The following PLG variants were observed in gnomAD, a reference collection of about 807,000 sequenced individuals.
The protein encoded by PLG is plasminogen, also known as plasmin.
In PLG, 41 loss-of-function variants were observed where a neutral mutation model predicts 104.4. The observed-to-expected ratio is 0.39, with a 90% CI of 0.31 to 0.51. The LOEUF is 0.51. PLG is among the 20% of genes least tolerant of loss of function. The probability of loss-of-function intolerance (pLI) is 0.76; values close to 1 mark genes in which losing one functional copy is unlikely to be tolerated. For missense variants in PLG, 891 were observed against 1,003.6 expected, an observed-to-expected ratio of 0.89 and a Z score of 1.52; for synonymous variants, 337 against 357.1, an observed-to-expected ratio of 0.94 and a Z score of 0.63.
chr6:160,747,447 A>C (rs758037216), intron 17 of PLG, among the ~76,000 whole-genome samples: 10 of 152,164 alleles, frequency 6.6e-5, no homozygotes, highest in Non-Finnish European at 1.3e-4. Flanking sequence ...CTAGGAGGGC[A>C]TTAGGAGTCT....
chr6:160,747,750 C>T (rs1459081625), intron 17 of PLG, among the ~76,000 whole-genome samples: 1 of 152,154 alleles, frequency 6.6e-6, no homozygotes, highest in Non-Finnish European at 1.5e-5. Flanking sequence ...TCTTGATCTC[C>T]CTTTCTGCAC....
At position 160,752,715 on chromosome 6, in the gene PLG, G is replaced by T. The variant is rs533082306; in HGVS notation, c.2272-185G>T. 1.3e-5 allele frequency among the ~76,000 whole-genome samples: 2 copies of T among 152,348 alleles called. No individual in the cohort carries two copies. Among genetic ancestry groups the T allele is most frequent in the East Asian group, 3.9e-4 (2 of 5,192 alleles). ...CTACCCCCCGGAAAAACTAAGTGGTGTGGTTTCGCTAAACAGATTTTGCTA... is the reference window on the plus strand; with the variant it reads ...CTACCCCCCGGAAAAACTAAGTGGTTTGGTTTCGCTAAACAGATTTTGCTA... On this transcript the variant is annotated intron_variant, in intron 18 of 18. Coordinates refer to ENST00000308192, the MANE Select transcript of PLG (RefSeq NM_000301.5). This position sits in a 1 kb window ranked among gnomAD's most constrained non-coding sequence, Gnocchi z 4.7.
chr6:160,716,840 G>T (rs1777740661), intron 7 of PLG, 77 bp downstream of exon 7: 1 of 878,338 alleles, frequency 1.1e-6, no homozygotes, highest in Non-Finnish European at 2.0e-6. Context: ...ATGTGTCAGT[G>T]CCTGAGTGCA....
intron 9 of PLG, 102 bp downstream of exon 9, chr6:160,718,940 C>T: frequency 9.5e-7 from 1 of 1,047,730 alleles, no homozygotes; most frequent in Admixed American, 1.8e-5. Flanking sequence ...AAGTTTAATG[C>T]TATTGTGGTC....
At chr6:160,707,227 A>AT (rs1419417026) in intron 2 of PLG, among the ~76,000 whole-genome samples, 1 of 152,016 alleles carries the variant, frequency 6.6e-6, no homozygotes, top group East Asian at 1.9e-4. Flanking sequence ...GAAGGTAGCT[A>AT]TGGAATCCAG....
At chr6:160,714,954 G>A (rs370815237) in intron 6 of PLG, 40 bp downstream of exon 6, 3 of 1,589,444 alleles carry the variant, frequency 1.9e-6, no homozygotes, top group Non-Finnish European at 1.7e-6. Flanking sequence ...TTTAATTAAG[G>A]CTCTGCAGCT....
intron 17 of PLG, among the ~76,000 whole-genome samples, chr6:160,743,055 C>A (rs561729494): frequency 6.0e-4 from 87 of 144,792 alleles, no homozygotes; most frequent in Admixed American, 3.0e-3. Context: ...GTTTTTGTTA[C>A]TGTAGCCCTG....
chr6:160,736,949 G>A lies in PLG; in HGVS notation c.1744G>A (p.Val582Ile). 6.2e-7 allele frequency: 1 copy of A among 1,614,036 alleles called. No homozygotes were observed. Among genetic ancestry groups the A allele is most frequent in the South Asian group, 1.1e-5 (1 of 91,078 alleles). ...GCCGAAGAAATGTCCTGGAAGGGTT[G>A]TAGGGGGGTGTGTGGCCCACCCACA... Reference protein sequence around the residue: ...VEPKKCPGRVVGGCVAHPHSW... With the variant: ...VEPKKCPGRVIGGCVAHPHSW... Residue 582 changes from valine to isoleucine, a missense_variant, in exon 14 of 19, where the codon GTA becomes ATA. Physicochemically the swap from Val to Ile is conservative, Grantham distance 29 (BLOSUM62 3). This residue lies in a region of PLG where 854 missense variants were observed against 932.1 expected (regional missense o/e 0.92). Transcript: ENST00000308192. The surrounding 1 kb of genome is among the most constrained non-coding windows in gnomAD (Gnocchi z 5.2).
Position 160,728,999 on chromosome 6 carries a change from C to T in PLG, c.1257-2052C>T, listed in dbSNP as rs1023526774. 2.0e-5 allele frequency among the ~76,000 whole-genome samples: 3 copies of T among 152,260 alleles called. No individual in the cohort carries two copies. The South Asian group carries it at 6.2e-4, about 32-fold the overall frequency. On this transcript the variant is annotated intron_variant, in intron 10 of 18. Transcript: ENST00000308192. ...AGACTGGAATAAAAATTCTCTCCAT[C>T]CATATATCTGACAAATGGTTTGTAT...
At position 160,752,763 on chromosome 6, in the gene PLG, T is replaced by C. The variant is rs1000146315; in HGVS notation, c.2272-137T>C. The C allele has an allele frequency of 1.5e-5, 16 of 1,084,296 alleles. No homozygotes were observed. The African/African-American group carries it at 2.2e-4, about 15-fold the overall frequency. The allele number at this position is 1,084,296 out of a possible 1,614,324, so 67.2% of individuals were successfully genotyped here. A position where few individuals can be genotyped will look rare whatever the true frequency, so the allele number is the denominator to read the frequency against. ...CTAAGTACTTAAGCACTGCAGATGC[T>C]TGAGTAATATGCTCATAAGTTCCTT... On this transcript the variant is annotated intron_variant, in intron 18 of 18. Transcript: ENST00000308192. The surrounding 1 kb of genome is among the most constrained non-coding windows in gnomAD (Gnocchi z 4.7).
chr6:160,736,850 G>T lies in PLG; in HGVS notation c.1682-37G>T. 1 of 1,612,360 alleles carries T rather than the reference G, an allele frequency of 6.2e-7. No individual in the cohort carries two copies. The highest frequency in any genetic ancestry group is 8.5e-7 in the Non-Finnish European group (1 of 1,178,902). On this transcript the variant is annotated intron_variant, in intron 13 of 18. Transcript: ENST00000308192. This position sits in a 1 kb window ranked among gnomAD's most constrained non-coding sequence, Gnocchi z 5.2. ...AATTACACCACAAAATTGCTACCTT[G>T]TCTCAAATGGGATTTCTTTCCCACC... is the stretch of plus-strand genomic sequence containing the variant.
At position 160,734,899 on chromosome 6, in the gene PLG, G is replaced by C. The variant is rs947587502; in HGVS notation, c.1681+811G>C. Among the ~76,000 whole-genome samples, 2 of 152,094 alleles carry C rather than the reference G, an allele frequency of 1.3e-5. No individual in the cohort carries two copies. Among genetic ancestry groups the C allele is most frequent in the African/African-American group, 4.8e-5 (2 of 41,402 alleles). ...TGTGGTTGGGTCTGCCATGTGGAGG[G>C]ACCTTGAGCTGGGGGAAGGAGCTTG... is the stretch of plus-strand genomic sequence containing the variant. On this transcript the variant is annotated intron_variant, in intron 13 of 18. Coordinates refer to ENST00000308192, the MANE Select transcript of PLG (RefSeq NM_000301.5). This position sits in a 1 kb window ranked among gnomAD's most constrained non-coding sequence, Gnocchi z 4.4.
chr6:160,752,836 G>A lies in PLG; in HGVS notation c.2272-64G>A, dbSNP rs1778428383. 3 of 1,535,404 alleles carry A rather than the reference G, an allele frequency of 2.0e-6. No individual in the cohort carries two copies. Among genetic ancestry groups the A allele is most frequent in the East Asian group, 2.2e-5 (1 of 44,470 alleles). On this transcript the variant is annotated intron_variant, in intron 18 of 18. Coordinates refer to ENST00000308192, the MANE Select transcript of PLG (RefSeq NM_000301.5). This position sits in a 1 kb window ranked among gnomAD's most constrained non-coding sequence, Gnocchi z 4.7. ...ATGTATATATGGATAGTAGAAGGAT[G>A]GCATCCCATAATAAAAGGCAGGCAG...
rs113752311 is a variant in PLG, at chr6:160,713,273, A to ATTTT, written c.547+157_547+160dup. ...AAGCAAAACCCCAGAATTAACCTGA[A>ATTTT]TTTTTTTTTTTTCTGAGACAGAGTT... On this transcript the variant is annotated intron_variant, in intron 5 of 18. Coordinates refer to ENST00000308192, the MANE Select transcript of PLG (RefSeq NM_000301.5). The ATTTT allele has an allele frequency of 9.1e-3, 5,315 of 586,062 alleles. 216 individuals carry two copies. The African/African-American group carries it at 0.092, about 10-fold the overall frequency. The allele number at this position is 586,062 out of a possible 1,614,324, so 36.3% of individuals were successfully genotyped here.
At chr6:160,712,564 A>G (rs1777663742) in intron 4 of PLG, among the ~76,000 whole-genome samples, 1 of 152,220 alleles carries the variant, frequency 6.6e-6, no homozygotes, top group Non-Finnish European at 1.5e-5. Flanking sequence ...ATTAGGACTA[A>G]AAGAGAGAAT....
At chr6:160,715,285 A>C (rs1249570152) in intron 6 of PLG, among the ~76,000 whole-genome samples, 1 of 152,146 alleles carries the variant, frequency 6.6e-6, no homozygotes. Context: ...TTGCTGGTGT[A>C]TTTTCCAAAT....
At position 160,723,176 on chromosome 6, in the gene PLG, G is replaced by GTA. The variant is rs34935018; in HGVS notation, c.1256+621_1256+622dup. Among the ~76,000 whole-genome samples the GTA allele has an allele frequency of 0.047, 6,581 of 140,856 alleles. 381 individuals carry two copies. Among genetic ancestry groups the GTA allele is most frequent in the African/African-American group, 0.16 (5,215 of 33,088 alleles). 92.4% of individuals were successfully genotyped at this position (140,856 alleles called of 152,430 possible). On this transcript the variant is annotated intron_variant, in intron 10 of 18. Transcript: ENST00000308192. This position sits in a 1 kb window ranked among gnomAD's most constrained non-coding sequence, Gnocchi z 4.7. ...ATTAGAATATATATAACATAAATAT[G>GTA]TATATATATATATTCTGACCTGTAT... is the stretch of plus-strand genomic sequence containing the variant.
At position 160,739,130 on chromosome 6, in the gene PLG, C is replaced by T. The variant is rs187157735; in HGVS notation, c.1940C>T (p.Pro647Leu). 9.9e-6 allele frequency: 16 copies of T among 1,614,038 alleles called. No homozygotes were observed. Among genetic ancestry groups the T allele is most frequent in the East Asian group, 4.5e-5 (2 of 44,882 alleles). ...LGAHQEVNLE[P>L]HVQEIEVSRL... ...GCACACCAAGAAGTGAATCTCGAACCGCATGTTCAGGAAATAGAAGTGTCT... is the reference window on the plus strand; with the variant it reads ...GCACACCAAGAAGTGAATCTCGAACTGCATGTTCAGGAAATAGAAGTGTCT... The change falls in exon 16 of 19, where the codon CCG becomes CTG. Residue 647 changes from proline (P) to leucine (L), a missense_variant. Pro to Leu is a moderately conservative substitution (Grantham distance 98). This residue lies in a region of PLG where 854 missense variants were observed against 932.1 expected (regional missense o/e 0.92). Coordinates refer to ENST00000308192, the MANE Select transcript of PLG (RefSeq NM_000301.5). This position sits in a 1 kb window ranked among gnomAD's most constrained non-coding sequence, Gnocchi z 4.4.
chr6:160,703,390 CT>C (rs1159601006), intron 1 of PLG, among the ~76,000 whole-genome samples: 3 of 152,060 alleles, frequency 2.0e-5, no homozygotes, highest in Non-Finnish European at 4.4e-5. Context: ...AATTTTAAAA[CT>C]ATTCATACCC....
Sources: allele counts gnomAD v4.1 joint callset (sites outside exome capture counted in the v4.1 genomes callset), GRCh38; gene constraint gnomAD v4.1.1; regional missense constraint gnomAD v4.1.1; non-coding constraint Gnocchi (gnomAD v3.1); transcripts MANE v1.5; gene names NCBI Gene and HGNC (gene_info 2026-07-23, HGNC 2026-07-21).